Variants in GK5 observed in about 807,000 individuals in gnomAD.
The protein encoded by GK5 is glycerol kinase 5.
In GK5, 39 loss-of-function variants were observed where a neutral mutation model predicts 77.3. The observed-to-expected ratio is 0.50, with a 90% confidence interval of 0.39 to 0.66. The LOEUF (loss-of-function observed/expected upper bound fraction) is 0.66. Among genes scored for constraint, GK5 ranks in the 30% least tolerant of loss-of-function variants. The pLI, the probability that GK5 is intolerant of heterozygous loss-of-function variation, is 0.00. For synonymous variants in GK5, 211 were observed against 208.0 expected (o/e 1.01, Z -0.13); for missense variants, 487 against 633.8 (o/e 0.77, Z 2.49).
intron 3 of GK5, among the ~76,000 whole-genome samples, chr3:142,207,360 C>T (rs1006450774): frequency 2.0e-5 from 3 of 152,208 alleles, no homozygotes; most frequent in African/African-American, 4.8e-5. Flanking sequence ...TCTAGCTTCA[C>T]GTCCTGTTTC....
intron 5 of GK5, among the ~76,000 whole-genome samples, chr3:142,194,136 G>C (rs1275788493): frequency 6.6e-6 from 1 of 152,156 alleles, no homozygotes; most frequent in Non-Finnish European, 1.5e-5. Context: ...TGTAATCCCA[G>C]CACTTTGGAA....
chr3:142,218,229 C>CAAAA (rs769407213), intron 1 of GK5, among the ~76,000 whole-genome samples: 1 of 80,416 alleles, frequency 1.2e-5, no homozygotes, highest in Non-Finnish European at 2.6e-5. Context: ...CATCCATATG[C>CAAAA]AAAAAAAAAA....
chr3:142,185,072 G>A (rs1294249782), intron 9 of GK5: 19 of 985,154 alleles, frequency 1.9e-5, no homozygotes, highest in Non-Finnish European at 2.2e-5. Context: ...TCTACCTCCT[G>A]CTTAAGCTGC....
intron 4 of GK5, among the ~76,000 whole-genome samples, chr3:142,201,296 C>T (rs2064017584): frequency 6.6e-6 from 1 of 152,118 alleles, no homozygotes; most frequent in Admixed American, 6.5e-5. Flanking sequence ...AACTCAGCAA[C>T]AGAAAGGAAT....
chr3:142,169,092 A>C (rs2063505548), intron 15 of GK5, among the ~76,000 whole-genome samples: 1 of 152,240 alleles, frequency 6.6e-6, no homozygotes, highest in African/African-American at 2.4e-5. Context: ...TCCCACCAGG[A>C]ATCAGAGACT....
intron 3 of GK5, among the ~76,000 whole-genome samples, chr3:142,211,899 G>A (rs1173671781): frequency 2.0e-5 from 3 of 152,044 alleles, no homozygotes; most frequent in African/African-American, 2.4e-5. Context: ...ACATTCACAC[G>A]TCCAAAACCA....
chr3:142,185,192 G>T, intron 9 of GK5: 1 of 798,658 alleles, frequency 1.3e-6, no homozygotes, highest in Non-Finnish European at 1.5e-6. Context: ...GTGGCAGAAG[G>T]CCCCAGTCTA....
intron 15 of GK5, among the ~76,000 whole-genome samples, chr3:142,169,389 T>C (rs2063509070): frequency 1.3e-5 from 2 of 152,200 alleles, no homozygotes; most frequent in African/African-American, 4.8e-5. Flanking sequence ...AACCTCGATA[T>C]CTCATCCTCC....
At chr3:142,219,650 T>C (rs10935455) in intron 1 of GK5, among the ~76,000 whole-genome samples, 98,628 of 152,088 alleles carry the variant, frequency 0.65, 32,422 homozygotes, top group Middle Eastern at 0.67. Flanking sequence ...CACATAACTA[T>C]ACACCAAAAG....
chr3:142,209,136 G>A (rs1451934850), intron 3 of GK5, among the ~76,000 whole-genome samples: 6 of 151,114 alleles, frequency 4.0e-5, no homozygotes, highest in Admixed American at 2.6e-4. Context: ...GCAAAAGAGT[G>A]AGACTCCGCC....
At position 142,186,285 on chromosome 3, in the gene GK5, T is replaced by A. The variant is rs770043231; in HGVS notation, c.682-18A>T. On this transcript the variant is annotated intron_variant, in intron 7 of 15. Transcript: ENST00000392993. ...CAACACATCTGAGCATAAAAACGTATCATCAGAATATACATATTTACATAT... is the reference window on the plus strand; with the variant it reads ...CAACACATCTGAGCATAAAAACGTAACATCAGAATATACATATTTACATAT... 7 of 1,515,750 alleles carry A rather than the reference T, an allele frequency of 4.6e-6. No individual in the cohort carries two copies. In the South Asian group the frequency reaches 6.8e-5, roughly 15 times the overall value. The allele number at this position is 1,515,750 out of a possible 1,614,324, so 93.9% of individuals were successfully genotyped here.
rs956163558 is a variant in GK5, at chr3:142,162,390, T to A, written c.*3232A>T. On this transcript the variant is annotated 3_prime_UTR_variant, in exon 16 of 16. Coordinates refer to ENST00000392993, the MANE Select transcript of GK5 (RefSeq NM_001039547.3). ...AGAGGGCAGAGGTCAGGGATATTGC[T>A]AAACATCCTATAAAGTACAGCATAG... The A allele has an allele frequency of 2.0e-5, 3 of 152,166 alleles. No homozygotes were observed. The highest frequency in any genetic ancestry group is 2.0e-4 in the Admixed American group (3 of 15,274). 9.4% of individuals were successfully genotyped at this position (152,166 alleles called of 1,614,324 possible).
chr3:142,176,610 G>A (rs1182228307), intron 12 of GK5, among the ~76,000 whole-genome samples: 2 of 149,416 alleles, frequency 1.3e-5, no homozygotes, highest in African/African-American at 4.9e-5. Context: ...TTTTGATTAA[G>A]CAAAGTAATC....
At chr3:142,166,238 C>T (rs2063471448) in intron 15 of GK5, among the ~76,000 whole-genome samples, 1 of 151,812 alleles carries the variant, frequency 6.6e-6, no homozygotes, top group African/African-American at 2.4e-5. Context: ...CAGAGAAAGA[C>T]CCTGTCTCTA....
At position 142,225,352 on chromosome 3, in the gene GK5, A is replaced by T. The variant is rs1171662963; in HGVS notation, c.104T>A (p.Val35Asp). Residue 35 changes from valine (V) to aspartate (D), a missense_variant, in exon 1 of 16, where the codon GTC (valine) becomes GAC (aspartate). Around this residue, in one of 4 missense-constraint regions of GK5, gnomAD observed 97 missense variants for 86.9 expected, o/e 1.12. Coordinates refer to ENST00000392993, the MANE Select transcript of GK5 (RefSeq NM_001039547.3). The stretch of plus-strand genomic sequence containing the variant: ...GCAGACCCGCGCCGCCCGGTCATAG[A>T]CGTGGCAGCGGATCACAGAACTGCC... ...DVGSSVIRCH[V>D]YDRAARVCGS... The T allele has an allele frequency of 6.4e-7, 1 of 1,573,682 alleles. No homozygotes were observed. Among genetic ancestry groups the T allele is most frequent in the South Asian group, 1.2e-5 (1 of 85,490 alleles).
At chr3:142,224,605 CG>C (rs1234523411) in intron 1 of GK5, among the ~76,000 whole-genome samples, 1 of 152,002 alleles carries the variant, frequency 6.6e-6, no homozygotes, top group Non-Finnish European at 1.5e-5. Context: ...GTCTCTCAAA[CG>C]AGGGGAAATA....
At chr3:142,184,260 CA>C (rs1161704184) in intron 9 of GK5, among the ~76,000 whole-genome samples, 50 of 10,662 alleles carry the variant, frequency 4.7e-3, no homozygotes, top group South Asian at 0.035. Flanking sequence ...GACTCTGTCT[CA>C]AAAAAAAAAA....
chr3:142,191,481 A>T (rs1459398801), intron 5 of GK5, among the ~76,000 whole-genome samples: 1 of 152,062 alleles, frequency 6.6e-6, no homozygotes, highest in Non-Finnish European at 1.5e-5. Flanking sequence ...AGGTGGCAGG[A>T]TCACTTGAGC....
intron 11 of GK5, among the ~76,000 whole-genome samples, chr3:142,178,361 A>G (rs1316093932): frequency 6.6e-6 from 1 of 152,220 alleles, no homozygotes; most frequent in African/African-American, 2.4e-5. Context: ...AGATATATTA[A>G]AAGTCAATTT....
Sources: allele counts gnomAD v4.1 joint callset (sites outside exome capture counted in the v4.1 genomes callset), GRCh38; gene constraint gnomAD v4.1.1; regional missense constraint gnomAD v4.1.1; transcripts MANE v1.5; gene names NCBI Gene and HGNC (gene_info 2026-07-23, HGNC 2026-07-21).